NAALADL2: variants seen among roughly 807,000 people sequenced by gnomAD.
NAALADL2 encodes N-acetylated alpha-linked acidic dipeptidase like 2, also known as inactive N-acetylated-alpha-linked acidic dipeptidase-like protein 2.
Under a neutral mutation model 87.2 loss-of-function variants are expected in NAALADL2, and 76 were observed. The observed-to-expected ratio is 0.87, with a 90% CI of 0.72 to 1.05. The LOEUF is 1.05. Ranked by LOEUF, NAALADL2 falls within the 50% of genes least tolerant of loss-of-function variation. The pLI is 0.00. For missense variants in NAALADL2, 1,089 were observed against 945.8 expected (o/e 1.15, Z -1.99); for synonymous variants, 354 against 331.0 (o/e 1.07, Z -0.75).
At chr3:175,530,650 A>C (rs1397680918) in intron 9 of NAALADL2, among the ~76,000 whole-genome samples, 1 of 152,224 alleles carries the variant, frequency 6.6e-6, no homozygotes, top group African/African-American at 2.4e-5. Flanking sequence ...TGAGGCTTGC[A>C]GTGCAGGCTG....
intron 1 of NAALADL2, among the ~76,000 whole-genome samples, chr3:174,477,018 A>T (rs1400411490): frequency 2.0e-5 from 3 of 151,998 alleles, no homozygotes; most frequent in Non-Finnish European, 4.4e-5. Context: ...TACTATTAAA[A>T]TCTATGAAAA....
chr3:175,333,228 G>A (rs1327317343), intron 5 of NAALADL2, among the ~76,000 whole-genome samples: 2 of 152,172 alleles, frequency 1.3e-5, no homozygotes, highest in Admixed American at 6.5e-5. Flanking sequence ...TGTGGTGGTG[G>A]TGGCAGGTTG....
At chr3:174,609,197 A>T (rs1719489773) in intron 2 of NAALADL2, among the ~76,000 whole-genome samples, 1 of 152,222 alleles carries the variant, frequency 6.6e-6, no homozygotes, top group Non-Finnish European at 1.5e-5. Flanking sequence ...ACAACCCCAC[A>T]GCCAATATCA....
intron 1 of NAALADL2, among the ~76,000 whole-genome samples, chr3:174,934,029 G>A (rs1259359308): frequency 6.6e-6 from 1 of 152,086 alleles, no homozygotes; most frequent in Non-Finnish European, 1.5e-5. Context: ...GGATGAAATA[G>A]GAATTCAGAC....
chr3:174,807,888 TGAGA>T (rs1553861440), intron 3 of NAALADL2, among the ~76,000 whole-genome samples: 1 of 111,514 alleles, frequency 9.0e-6, no homozygotes, highest in East Asian at 4.3e-4. Flanking sequence ...TGTGTGTGTG[TGAGA>T]GAGAGAGATA....
At chr3:175,452,849 G>A (rs952998474) in intron 6 of NAALADL2, among the ~76,000 whole-genome samples, 2 of 152,112 alleles carry the variant, frequency 1.3e-5, no homozygotes, top group African/African-American at 4.8e-5. Context: ...GAGCGTAGGG[G>A]GGAACCTATT....
At chr3:174,686,498 T>C (rs1290465928) in intron 2 of NAALADL2, among the ~76,000 whole-genome samples, 1 of 151,892 alleles carries the variant, frequency 6.6e-6, no homozygotes, top group African/African-American at 2.4e-5. Context: ...TTTTTTTTTT[T>C]CCACATGATT....
At chr3:174,579,329 T>G (rs1253246618) in intron 2 of NAALADL2, among the ~76,000 whole-genome samples, 1 of 151,906 alleles carries the variant, frequency 6.6e-6, no homozygotes, top group Non-Finnish European at 1.5e-5. Context: ...AAGAGGAGAA[T>G]GGATAAACAA....
At chr3:175,233,061 C>G (rs934680748) in intron 2 of NAALADL2, among the ~76,000 whole-genome samples, 3 of 152,072 alleles carry the variant, frequency 2.0e-5, no homozygotes, top group Non-Finnish European at 4.4e-5. Context: ...AATAAATATA[C>G]AAAGTACAGA....
intron 2 of NAALADL2, among the ~76,000 whole-genome samples, chr3:175,214,111 A>G (rs1384041232): frequency 1.3e-5 from 2 of 152,188 alleles, no homozygotes; most frequent in Admixed American, 1.3e-4. Context: ...ACTTTTTGAA[A>G]CAAATGAAGA....
intron 1 of NAALADL2, among the ~76,000 whole-genome samples, chr3:174,924,949 C>A (rs1445967705): frequency 6.6e-6 from 1 of 151,994 alleles, no homozygotes; most frequent in Non-Finnish European, 1.5e-5. Flanking sequence ...TGTTTAAGTT[C>A]TTTGTAGATT....
chr3:175,649,744 T>A (rs1032427257), intron 11 of NAALADL2, among the ~76,000 whole-genome samples: 3 of 152,108 alleles, frequency 2.0e-5, no homozygotes, highest in African/African-American at 7.2e-5. Context: ...TTTAATTACT[T>A]CCTTAGAGGT....
intron 11 of NAALADL2, among the ~76,000 whole-genome samples, chr3:175,667,212 AAAG>A (rs1239323993): frequency 1.6e-5 from 2 of 124,036 alleles, no homozygotes; most frequent in African/African-American, 4.7e-5. Context: ...AGAAAGAAAG[AAAG>A]AAAGAAAGAA....
At chr3:174,963,834 G>C (rs1358550428) in intron 1 of NAALADL2, among the ~76,000 whole-genome samples, 1 of 152,004 alleles carries the variant, frequency 6.6e-6, no homozygotes, top group Non-Finnish European at 1.5e-5. Flanking sequence ...AAGTTTGGTA[G>C]AAATCTTAAC....
intron 2 of NAALADL2, among the ~76,000 whole-genome samples, chr3:175,175,080 A>G (rs1353166848): frequency 6.6e-6 from 1 of 151,976 alleles, no homozygotes; most frequent in Admixed American, 6.6e-5. Context: ...GATTATAGAA[A>G]TCAGTTTTAT....
intron 2 of NAALADL2, among the ~76,000 whole-genome samples, chr3:175,125,682 A>G (rs1373921759): frequency 2.0e-5 from 3 of 152,094 alleles, no homozygotes; most frequent in Admixed American, 6.6e-5. Context: ...CCTATTTTGT[A>G]CAAGAATAGA....
At chr3:175,036,995 T>C (rs554421849) in intron 1 of NAALADL2, among the ~76,000 whole-genome samples, 9 of 152,116 alleles carry the variant, frequency 5.9e-5, no homozygotes, top group Admixed American at 5.9e-4. Flanking sequence ...CATACACAGG[T>C]TGGTCGTTTC....
intron 1 of NAALADL2, among the ~76,000 whole-genome samples, chr3:174,967,006 A>G (rs1742973590): frequency 6.6e-6 from 1 of 152,218 alleles, no homozygotes; most frequent in Non-Finnish European, 1.5e-5. Context: ...TAATGTTTAT[A>G]TTTAAAAAGA....
intron 2 of NAALADL2, among the ~76,000 whole-genome samples, chr3:175,181,717 GTATATATA>G (rs1263362568): frequency 8.0e-4 from 11 of 13,724 alleles, no homozygotes; most frequent in Admixed American, 1.2e-3. Flanking sequence ...GTGTGTGTGT[GTATATATA>G]TGTATATATG....
Sources: gnomAD v4.1 joint callset for allele counts (sites outside exome capture counted in the v4.1 genomes callset) on GRCh38, gnomAD v4.1.1 for gene constraint, MANE v1.5 for transcripts, NCBI Gene and HGNC (gene_info 2026-07-23, HGNC 2026-07-21) for gene names.